PON3: variants seen among roughly 807,000 people sequenced by gnomAD.
The protein encoded by PON3 is serum paraoxonase/lactonase 3.
Under a neutral mutation model 36.3 loss-of-function variants are expected in PON3, and 37 were observed. The observed-to-expected ratio is 1.02, with a 90% CI of 0.78 to 1.34. The LOEUF is 1.34. PON3 is among the 40% of genes most tolerant of loss of function. The pLI, the probability that PON3 is intolerant of heterozygous loss-of-function variation, is 0.00. For synonymous variants in PON3, 155 were observed against 154.8 expected, an observed-to-expected ratio of 1.00 and a Z score of -0.01; for missense variants, 415 against 426.5, an observed-to-expected ratio of 0.97 and a Z score of 0.24.
rs545687206 is a variant in PON3, at chr7:95,372,172, C to A, written c.367+1G>T. On this transcript the variant is annotated splice_donor_variant, in intron 4 of 8. Coordinates refer to ENST00000265627, the MANE Select transcript of PON3 (RefSeq NM_000940.3). LOFTEE classifies it high-confidence loss of function. ...CTTATCCCTAAACATACAGGTTTTA[C>A]CTTTGTCGATGAAAATACTGATCCC... 6.2e-7 allele frequency: 1 copy of A among 1,612,966 alleles called. No individual in the cohort carries two copies. Among genetic ancestry groups the A allele is most frequent in the South Asian group, 1.1e-5 (1 of 91,048 alleles).
chr7:95,396,375 T>A lies in PON3; in HGVS notation c.-25A>T, dbSNP rs1259158966. 1.2e-6 allele frequency: 2 copies of A among 1,610,904 alleles called. No individual in the cohort carries two copies. Among genetic ancestry groups the A allele is most frequent in the Non-Finnish European group, 1.7e-6 (2 of 1,178,278 alleles). The stretch of plus-strand genomic sequence containing the variant: ...TGGTCTCGGGGTGCCCAGCGGCGAC[T>A]GCGCGGCGCCGAGAGCTCTCGGGGG... On this transcript the variant is annotated 5_prime_UTR_variant, in exon 1 of 9. Coordinates refer to ENST00000265627, the MANE Select transcript of PON3 (RefSeq NM_000940.3).
In PON3 at chr7:95,362,747, AG is replaced by A. The variant is rs752745716; in HGVS notation, c.777+12del. The A allele has an allele frequency of 1.2e-5, 19 of 1,588,402 alleles. 1 individual carries two copies. The Middle Eastern group carries it at 1.0e-3, about 83-fold the overall frequency. ...AGAAGTCAGATTGTGTGGGCCAGACAGGGTACTCTTACCTTCAGTTGAGTTA... is the reference window on the plus strand; with the variant it reads ...AGAAGTCAGATTGTGTGGGCCAGACAGGTACTCTTACCTTCAGTTGAGTTA... On this transcript the variant is annotated intron_variant, in intron 7 of 8. Coordinates refer to ENST00000265627, the MANE Select transcript of PON3 (RefSeq NM_000940.3).
chr7:95,387,503 C>T (rs1462224032), intron 3 of PON3, among the ~76,000 whole-genome samples: 6 of 152,172 alleles, frequency 3.9e-5, no homozygotes, highest in Non-Finnish European at 8.8e-5. Context: ...AATGGAAGAA[C>T]ATTCCATGCT....
chr7:95,390,141 G>A lies in PON3; in HGVS notation c.201+13C>T. On this transcript the variant is annotated intron_variant, in intron 3 of 8. Transcript: ENST00000265627. ...ATTGATGTGAGCATGAGAGCAGCAT[G>A]GAAAATACTCACACTGGAGATAAAA... is the stretch of plus-strand genomic sequence containing the variant. The A allele has an allele frequency of 1.3e-6, 2 of 1,594,190 alleles. No homozygotes were observed. Among genetic ancestry groups the A allele is most frequent in the Non-Finnish European group, 8.6e-7 (1 of 1,161,954 alleles).
At chr7:95,392,202 A>C (rs139852595) in intron 2 of PON3, among the ~76,000 whole-genome samples, 50 of 152,358 alleles carry the variant, frequency 3.3e-4, no homozygotes, top group Admixed American at 1.8e-3. Flanking sequence ...CACATGACCC[A>C]TCATCATTCT....
At chr7:95,361,055 C>T (rs955171685) in intron 8 of PON3, among the ~76,000 whole-genome samples, 1 of 151,970 alleles carries the variant, frequency 6.6e-6, no homozygotes, top group African/African-American at 2.4e-5. Flanking sequence ...TCCAATAATC[C>T]TATGTATCAT....
At chr7:95,383,921 G>A (rs895145165) in intron 3 of PON3, among the ~76,000 whole-genome samples, 4 of 152,232 alleles carry the variant, frequency 2.6e-5, no homozygotes, top group East Asian at 3.9e-4. Context: ...AGAGAACAAA[G>A]CTGGAGGCAT....
At chr7:95,380,297 C>A (rs1344573844) in intron 3 of PON3, among the ~76,000 whole-genome samples, 1 of 152,218 alleles carries the variant, frequency 6.6e-6, no homozygotes, top group Non-Finnish European at 1.5e-5. Flanking sequence ...CAGAGCACCT[C>A]TCCTCCTCCA....
intron 2 of PON3, among the ~76,000 whole-genome samples, chr7:95,391,569 A>ACAAAATAAG (rs1432546483): frequency 9.4e-4 from 143 of 152,332 alleles, no homozygotes; most frequent in African/African-American, 3.3e-3. Context: ...GAGAAGGAAA[A>ACAAAATAAG]CAAAATAAGA....
At chr7:95,386,356 C>T (rs1189351788) in intron 3 of PON3, among the ~76,000 whole-genome samples, 1 of 152,188 alleles carries the variant, frequency 6.6e-6, no homozygotes, top group Non-Finnish European at 1.5e-5. Flanking sequence ...AAAAACACCT[C>T]TACACAAATA....
intron 2 of PON3, among the ~76,000 whole-genome samples, chr7:95,391,328 C>T (rs968976317): frequency 1.3e-5 from 2 of 152,122 alleles, no homozygotes; most frequent in Admixed American, 1.3e-4. Flanking sequence ...AATACAGAGG[C>T]CACCTACTCG....
At chr7:95,392,702 G>C (rs762899847) in intron 2 of PON3, among the ~76,000 whole-genome samples, 8 of 152,204 alleles carry the variant, frequency 5.3e-5, no homozygotes, top group Non-Finnish European at 1.2e-4. Context: ...GTTTTGGAAA[G>C]GCCATCTGGC....
At chr7:95,390,363 T>C (rs760029063) in intron 2 of PON3, among the ~76,000 whole-genome samples, 154 bp from the exon 3 acceptor site, 3 of 152,334 alleles carry the variant, frequency 2.0e-5, no homozygotes, top group Non-Finnish European at 4.4e-5. Context: ...CTTTGGAGAA[T>C]CTCACAGGCA....
At chr7:95,390,908 T>C (rs1809304694) in intron 2 of PON3, among the ~76,000 whole-genome samples, 2 of 152,126 alleles carry the variant, frequency 1.3e-5, no homozygotes, top group Admixed American at 6.5e-5. Context: ...TCAGCAACAA[T>C]GGCACCTGTG....
intron 3 of PON3, among the ~76,000 whole-genome samples, chr7:95,379,376 C>T (rs1808992112): frequency 6.6e-6 from 1 of 152,246 alleles, no homozygotes; most frequent in Non-Finnish European, 1.5e-5. Flanking sequence ...GGGTGCAGCG[C>T]ACCGAGTGTG....
At chr7:95,396,173 CT>C (rs1809428130) in intron 1 of PON3, 103 bp downstream of exon 1, 1 of 1,249,630 alleles carries the variant, frequency 8.0e-7, no homozygotes, top group Non-Finnish European at 1.2e-6. Flanking sequence ...GGTTCCAAAG[CT>C]GCTCTTTCCT....
In PON3 at chr7:95,372,351, A is replaced by G; in HGVS notation, c.202-13T>C. 1 of 1,613,072 alleles carries G rather than the reference A, an allele frequency of 6.2e-7. No individual in the cohort carries two copies. Among genetic ancestry groups the G allele is most frequent in the Non-Finnish European group, 8.5e-7 (1 of 1,179,418 alleles). Reference sequence around the variant, plus strand: ...GATATTTTAATCCCTTTTAAAAATAAAGAACAAGTGTGCACACATATACAT... The same window carrying G: ...GATATTTTAATCCCTTTTAAAAATAGAGAACAAGTGTGCACACATATACAT... On this transcript the variant is annotated splice_polypyrimidine_tract_variant and intron_variant, in intron 3 of 8. Coordinates refer to ENST00000265627, the MANE Select transcript of PON3 (RefSeq NM_000940.3).
intron 3 of PON3, among the ~76,000 whole-genome samples, chr7:95,383,875 A>G (rs1428001164): frequency 2.0e-5 from 3 of 152,228 alleles, no homozygotes; most frequent in African/African-American, 4.8e-5. Context: ...TGTGGAACCA[A>G]AAATGAGCCC....
intron 3 of PON3, chr7:95,377,396 G>C (rs561392910): frequency 3.0e-4 from 57 of 191,582 alleles, no homozygotes; most frequent in Non-Finnish European, 5.4e-4. Context: ...GTCCCTGTCT[G>C]ACAGCTCTGA....
Sources: allele counts gnomAD v4.1 joint callset (sites outside exome capture counted in the v4.1 genomes callset), GRCh38; gene constraint gnomAD v4.1.1; transcripts MANE v1.5; gene names NCBI Gene and HGNC (gene_info 2026-07-23, HGNC 2026-07-21).